Variants in KCNMA1 observed in about 807,000 individuals in gnomAD.
The protein encoded by KCNMA1 is potassium calcium-activated channel subfamily M alpha 1, also known as Calcium-activated potassium channel subunit alpha-1.
A neutral mutation model predicts 140.0 loss-of-function variants in KCNMA1; 29 were observed. That is an observed-to-expected ratio of 0.21 (90% CI 0.15 to 0.28). The LOEUF (loss-of-function observed/expected upper bound fraction) is 0.28. Among genes scored for constraint, KCNMA1 ranks in the 10% least tolerant of loss-of-function variants. The pLI, the probability that KCNMA1 is intolerant of heterozygous loss-of-function variation, is 1.00. For synonymous variants in KCNMA1, 612 were observed against 611.9 expected, an observed-to-expected ratio of 1.00 and a Z score of 0.00; for missense variants, 880 against 1,602.2, an observed-to-expected ratio of 0.55 and a Z score of 7.70.
intron 14 of KCNMA1, among the ~76,000 whole-genome samples, chr10:77,065,514 GT>G (rs1185742340): frequency 6.6e-6 from 1 of 152,178 alleles, no homozygotes; most frequent in Non-Finnish European, 1.5e-5. Context: ...TGCCAGGGAA[GT>G]TGTTGAATCA....
At chr10:76,950,381 ACCTCTATC>A (rs2065809530) in intron 21 of KCNMA1, among the ~76,000 whole-genome samples, 1 of 152,232 alleles carries the variant, frequency 6.6e-6, no homozygotes, top group East Asian at 1.9e-4. Context: ...CCAACTCCAA[ACCTCTATC>A]TACAAAGGAG....
At chr10:77,045,660 C>T (rs926512801) in intron 14 of KCNMA1, among the ~76,000 whole-genome samples, 4 of 152,212 alleles carry the variant, frequency 2.6e-5, no homozygotes, top group African/African-American at 7.2e-5. Context: ...ATCCCAGGTT[C>T]TGTGTGTGTC....
chr10:77,452,046 C>A (rs974312661), intron 1 of KCNMA1, among the ~76,000 whole-genome samples: 1 of 152,192 alleles, frequency 6.6e-6, no homozygotes, highest in African/African-American at 2.4e-5. Context: ...ATCTTGGCTG[C>A]TTTAGACATG....
At chr10:77,169,673 C>A (rs2098681742) in intron 5 of KCNMA1, among the ~76,000 whole-genome samples, 1 of 152,160 alleles carries the variant, frequency 6.6e-6, no homozygotes, top group African/African-American at 2.4e-5. Flanking sequence ...AGCCACCACA[C>A]TCAGCCAAGT....
At chr10:77,541,769 G>C (rs1046682872) in intron 1 of KCNMA1, among the ~76,000 whole-genome samples, 9 of 152,142 alleles carry the variant, frequency 5.9e-5, no homozygotes, top group Admixed American at 6.6e-5. Flanking sequence ...CAAAGAAAAG[G>C]CCAGTGATTT....
rs181302318 is a variant in KCNMA1 at position 76,892,178 on chromosome 10, C to A, written c.3148-459G>T. On this transcript the variant is annotated intron_variant, in intron 25 of 27. Coordinates refer to ENST00000286628, the MANE Select transcript of KCNMA1 (RefSeq NM_001161352.2). ...TTCCTCCCCACGACAACGGCAAAAC[C>A]TTTCATTAATGCCACACGCTTAACG... Among the ~76,000 whole-genome samples, 9 of 152,278 alleles carry A rather than the reference C, an allele frequency of 5.9e-5. No homozygotes were observed. In the South Asian group the frequency reaches 1.2e-3, roughly 21 times the overall value.
At chr10:77,103,342 A>T (rs1413194269) in intron 9 of KCNMA1, among the ~76,000 whole-genome samples, 1 of 152,194 alleles carries the variant, frequency 6.6e-6, no homozygotes, top group Admixed American at 6.5e-5. Flanking sequence ...GAATATTCCA[A>T]GTCAAAGCTA....
At chr10:77,091,034 C>G (rs2096801950) in intron 9 of KCNMA1, 1 of 172,464 alleles carries the variant, frequency 5.8e-6, no homozygotes, top group Admixed American at 5.4e-5. Context: ...GTTATAGGTT[C>G]TGCTGGCCAT....
intron 1 of KCNMA1, among the ~76,000 whole-genome samples, chr10:77,533,186 T>C (rs544518728): frequency 6.6e-6 from 1 of 152,186 alleles, no homozygotes; most frequent in East Asian, 1.9e-4. Flanking sequence ...TCCCTCAGTG[T>C]TGCTAACATG....
At chr10:77,020,654 C>T (rs1032718199) in intron 16 of KCNMA1, 2 of 152,228 alleles carry the variant, frequency 1.3e-5, no homozygotes, top group Non-Finnish European at 2.9e-5. Context: ...AACAAGCCCT[C>T]TGACTTCATG....
intron 1 of KCNMA1, among the ~76,000 whole-genome samples, chr10:77,556,355 A>G (rs1018161945): frequency 3.3e-5 from 5 of 151,652 alleles, no homozygotes; most frequent in Non-Finnish European, 5.9e-5. Flanking sequence ...AAATACAAAA[A>G]CTAGCCAGGC....
At chr10:77,390,656 C>T (rs1217803833) in intron 2 of KCNMA1, among the ~76,000 whole-genome samples, 1 of 152,196 alleles carries the variant, frequency 6.6e-6, no homozygotes, top group Non-Finnish European at 1.5e-5. Context: ...TGGACAGACT[C>T]TCCAACCAAG....
intron 1 of KCNMA1, among the ~76,000 whole-genome samples, chr10:77,438,759 A>G (rs2097316099): frequency 6.6e-6 from 1 of 152,120 alleles, no homozygotes; most frequent in Non-Finnish European, 1.5e-5. Context: ...TCTCTCCACA[A>G]CATTTTATTA....
At position 77,156,438 on chromosome 10, in the gene KCNMA1, C is replaced by G. The variant is rs117844023; in HGVS notation, c.808+26983G>C. On this transcript the variant is annotated intron_variant, in intron 5 of 27. Coordinates refer to ENST00000286628, the MANE Select transcript of KCNMA1 (RefSeq NM_001161352.2). ...TGACAACAAGAGAAATCTGACAGAG[C>G]TGACTCCCTCTTGCTTCCAACTTCC... Among the ~76,000 whole-genome samples, 4 of 152,248 alleles carry G rather than the reference C, an allele frequency of 2.6e-5. No homozygotes were observed. The East Asian group carries it at 7.7e-4, about 29-fold the overall frequency.
intron 1 of KCNMA1, among the ~76,000 whole-genome samples, chr10:77,425,244 A>G (rs1013218509): frequency 1.3e-5 from 2 of 152,198 alleles, no homozygotes; most frequent in African/African-American, 4.8e-5. Context: ...TTAACATTGT[A>G]GTCACTCCAA....
At chr10:77,329,388 G>A (rs2085462155) in intron 2 of KCNMA1, among the ~76,000 whole-genome samples, 1 of 152,174 alleles carries the variant, frequency 6.6e-6, no homozygotes, top group African/African-American at 2.4e-5. Context: ...TCTCATGAAT[G>A]AGACTACTGT....
At chr10:77,378,201 C>T (rs2154425304) in intron 2 of KCNMA1, among the ~76,000 whole-genome samples, 1 of 152,250 alleles carries the variant, frequency 6.6e-6, no homozygotes, top group Non-Finnish European at 1.5e-5. Flanking sequence ...AAAAGAACAC[C>T]CACTGACTCA....
At chr10:76,923,823 AAAC>A (rs1239677908) in intron 23 of KCNMA1, among the ~76,000 whole-genome samples, 5 of 139,730 alleles carry the variant, frequency 3.6e-5, no homozygotes, top group African/African-American at 6.4e-5. Context: ...TCTCTACTAA[AAAC>A]AAACAAACAA....
chr10:77,283,400 G>T (rs1202447802), intron 2 of KCNMA1, among the ~76,000 whole-genome samples: 1 of 152,208 alleles, frequency 6.6e-6, no homozygotes, highest in Non-Finnish European at 1.5e-5. Flanking sequence ...TGGCTGTCCT[G>T]CAGCTTCAGG....
Sources: allele counts gnomAD v4.1 joint callset (sites outside exome capture counted in the v4.1 genomes callset), GRCh38; gene constraint gnomAD v4.1.1; transcripts MANE v1.5; gene names NCBI Gene and HGNC (gene_info 2026-07-23, HGNC 2026-07-21).